Variants in FAM135B observed in about 807,000 individuals in gnomAD.
FAM135B encodes protein FAM135B.
In FAM135B, 43 loss-of-function variants were observed where a neutral mutation model predicts 127.7. That is an observed-to-expected ratio of 0.34 (90% CI 0.26 to 0.43). FAM135B has a LOEUF of 0.43. Ranked by LOEUF, FAM135B falls within the 20% of genes least tolerant of loss-of-function variation. FAM135B has a pLI of 1.00. For synonymous variants in FAM135B, 670 were observed against 665.1 expected, an observed-to-expected ratio of 1.01 and a Z score of -0.11; for missense variants, 1,558 against 1,725.6, an observed-to-expected ratio of 0.90 and a Z score of 1.72.
chr8:138,457,081 C>A (rs1368630153), intron 1 of FAM135B, among the ~76,000 whole-genome samples: 1 of 135,252 alleles, frequency 7.4e-6, no homozygotes, highest in East Asian at 2.9e-4. Flanking sequence ...AAATAATAGG[C>A]AAAATGCCTC....
intron 7 of FAM135B, among the ~76,000 whole-genome samples, chr8:138,223,775 C>T (rs1586816848): frequency 6.6e-6 from 1 of 152,280 alleles, no homozygotes; most frequent in African/African-American, 2.4e-5. Flanking sequence ...AGCAAAGACA[C>T]GGAATCAACC....
intron 7 of FAM135B, among the ~76,000 whole-genome samples, chr8:138,222,522 T>C (rs1011765466): frequency 6.6e-6 from 1 of 152,060 alleles, no homozygotes; most frequent in Non-Finnish European, 1.5e-5. Flanking sequence ...AGTTACTGAA[T>C]ATATTAAAGA....
At chr8:138,306,268 C>G (rs1826247552) in intron 3 of FAM135B, among the ~76,000 whole-genome samples, 1 of 151,744 alleles carries the variant, frequency 6.6e-6, no homozygotes, top group Non-Finnish European at 1.5e-5. Flanking sequence ...AACTCCATCT[C>G]TACTAAAAAT....
At chr8:138,287,624 T>A (rs1824798331) in intron 3 of FAM135B, among the ~76,000 whole-genome samples, 1 of 152,094 alleles carries the variant, frequency 6.6e-6, no homozygotes, top group African/African-American at 2.4e-5. Flanking sequence ...TAGGACATGT[T>A]TAACAACTGG....
intron 1 of FAM135B, among the ~76,000 whole-genome samples, chr8:138,368,346 C>T (rs1321468755): frequency 6.6e-6 from 1 of 152,156 alleles, no homozygotes; most frequent in Non-Finnish European, 1.5e-5. Context: ...AGAATCCTTG[C>T]TCTACCGCTT....
At chr8:138,398,074 C>T (rs1379485490) in intron 1 of FAM135B, among the ~76,000 whole-genome samples, 1 of 152,196 alleles carries the variant, frequency 6.6e-6, no homozygotes, top group Admixed American at 6.5e-5. Context: ...GATATAGACA[C>T]AGAGGGAGGC....
intron 1 of FAM135B, among the ~76,000 whole-genome samples, chr8:138,389,886 C>A: frequency 6.6e-6 from 1 of 152,210 alleles, no homozygotes; most frequent in East Asian, 1.9e-4. Flanking sequence ...TGGAAATTCC[C>A]TTCCTGAACA....
intron 1 of FAM135B, among the ~76,000 whole-genome samples, chr8:138,375,133 C>CAA (rs11465051): frequency 5.0e-4 from 74 of 147,302 alleles, no homozygotes; most frequent in East Asian, 2.9e-3. Context: ...CCAGCTCTGG[C>CAA]AAAAAAAAAA....
chr8:138,150,420 A>G (rs1399017627), intron 13 of FAM135B, among the ~76,000 whole-genome samples: 2 of 152,252 alleles, frequency 1.3e-5, no homozygotes, highest in African/African-American at 2.4e-5. Context: ...CTGTAATCCC[A>G]GCACTTTGGG....
intron 5 of FAM135B, among the ~76,000 whole-genome samples, chr8:138,255,156 A>C (rs528719426): frequency 1.4e-3 from 214 of 151,698 alleles, no homozygotes; most frequent in Non-Finnish European, 2.2e-3. Flanking sequence ...CAGCCTGCCA[A>C]GGTGCTGGGA....
intron 2 of FAM135B, among the ~76,000 whole-genome samples, chr8:138,314,693 C>CAATAAATAAATAAATAAATAAATA (rs1402271667): frequency 0.16 from 19,103 of 120,014 alleles, 1,977 homozygotes; most frequent in Non-Finnish European, 0.2. Flanking sequence ...CCCATCCCTA[C>CAATAAATAAATAAATAAATAAATA]AATAAATAAA....
chr8:138,228,906 C>G (rs1285677015), intron 7 of FAM135B, among the ~76,000 whole-genome samples: 2 of 152,182 alleles, frequency 1.3e-5, no homozygotes, highest in Non-Finnish European at 2.9e-5. Flanking sequence ...GACAGAGAAG[C>G]AGGGGTATCC....
intron 4 of FAM135B, among the ~76,000 whole-genome samples, chr8:138,258,034 G>A (rs1476660809): frequency 6.6e-6 from 1 of 152,080 alleles, no homozygotes; most frequent in Non-Finnish European, 1.5e-5. Context: ...ACACGCATTT[G>A]GCCTGCAGCT....
chr8:138,271,484 T>G (rs1285088886), intron 3 of FAM135B, among the ~76,000 whole-genome samples: 1 of 152,230 alleles, frequency 6.6e-6, no homozygotes, highest in East Asian at 1.9e-4. Context: ...GCACTAGGTC[T>G]TGGGCAAAAC....
At chr8:138,294,166 G>A (rs1825314935) in intron 3 of FAM135B, among the ~76,000 whole-genome samples, 1 of 152,146 alleles carries the variant, frequency 6.6e-6, no homozygotes, top group Admixed American at 6.5e-5. Context: ...AATACTGTAT[G>A]TTCTTATAAG....
intron 1 of FAM135B, among the ~76,000 whole-genome samples, chr8:138,375,639 T>G (rs569439198): frequency 1.2e-4 from 19 of 152,326 alleles, no homozygotes; most frequent in Admixed American, 1.2e-3. Flanking sequence ...TCTAGTTAAT[T>G]GTATGAGTGT....
intron 1 of FAM135B, among the ~76,000 whole-genome samples, chr8:138,448,850 T>C (rs1190418823): frequency 6.6e-6 from 1 of 151,624 alleles, no homozygotes; most frequent in Non-Finnish European, 1.5e-5. Context: ...AGTAGCTGTT[T>C]CCATGGAGAT....
chr8:138,468,447 G>A (rs140941605), intron 1 of FAM135B, among the ~76,000 whole-genome samples: 3 of 152,072 alleles, frequency 2.0e-5, no homozygotes, highest in Non-Finnish European at 2.9e-5. Flanking sequence ...CCAATCCCAA[G>A]ACAATCAATT....
At chr8:138,408,550 GT>G (rs1442266241) in intron 1 of FAM135B, among the ~76,000 whole-genome samples, 12 of 152,112 alleles carry the variant, frequency 7.9e-5, no homozygotes, top group Non-Finnish European at 7.3e-5. Flanking sequence ...CATTCTCACA[GT>G]GTCATAAATA....
Sources: allele counts gnomAD v4.1 joint callset (sites outside exome capture counted in the v4.1 genomes callset), GRCh38; gene constraint gnomAD v4.1.1; transcripts MANE v1.5; gene names NCBI Gene and HGNC (gene_info 2026-07-23, HGNC 2026-07-21).